SPATA31D1: variants seen among roughly 807,000 people sequenced by gnomAD.
SPATA31D1 encodes SPATA31 subfamily D member 1.
SPATA31D1 carries 6 observed loss-of-function variants against 13.2 expected under a neutral mutation model. The ratio of observed to expected loss-of-function variants is 0.46; its 90% confidence interval spans 0.25 to 0.90. The LOEUF (loss-of-function observed/expected upper bound fraction) is 0.90, where lower values mean the gene tolerates loss of function less well. SPATA31D1 is among the 40% of genes least tolerant of loss of function. SPATA31D1 has a pLI of 0.18. For missense variants in SPATA31D1, 2,445 were observed against 1,884.7 expected (o/e 1.30, Z -5.50); for synonymous variants, 903 against 718.8 (o/e 1.26, Z -4.10).
In SPATA31D1 at chr9:81,990,900, C is replaced by A; in HGVS notation, c.430C>A (p.Leu144Met). 1 of 1,613,960 alleles carries A rather than the reference C, an allele frequency of 6.2e-7. No homozygotes were observed. Among genetic ancestry groups the A allele is most frequent in the East Asian group, 2.2e-5 (1 of 44,852 alleles). The change falls in exon 4 of 4, where the codon CTG becomes ATG. Residue 144 changes from leucine to methionine, a missense_variant. Transcript: ENST00000344803. ...KRATADIQQL[L>M]SWESLKDAAP... ...AGCAACTGCTGATATCCAGCAACTG[C>A]TGTCTTGGGAGTCCCTGAAAGATGC... is the stretch of plus-strand genomic sequence containing the variant.
chr9:81,988,343 A>G (rs970375669), upstream of SPATA31D1, among the ~76,000 whole-genome samples: 12 of 152,312 alleles, frequency 7.9e-5, no homozygotes, highest in Admixed American at 5.9e-4. Context: ...TAAGTTTTAT[A>G]TCTGCATTTA....
chr9:81,994,168 GT>G lies in SPATA31D1; in HGVS notation c.3700del (p.Ser1234ProfsTer5). ...ATGTCTTTTGCCTTAGATAACTTGA[GT>G]TCCAAGGACTTACTGACTAATTCCC... Reference protein sequence around the residue: ...TDMSFALDNLSSKDLLTNSQG... With the variant: ...TDMSFALDNLXSKDLLTNSQG... On this transcript the variant is annotated frameshift_variant, in exon 4 of 4. Coordinates refer to ENST00000344803, the MANE Select transcript of SPATA31D1 (RefSeq NM_001001670.3). LOFTEE classifies it low-confidence loss of function (END_TRUNC). 1 of 1,614,022 alleles carries G rather than the reference GT, an allele frequency of 6.2e-7. No homozygotes were observed. The highest frequency in any genetic ancestry group is 8.5e-7 in the Non-Finnish European group (1 of 1,179,896).
At chr9:81,988,367 C>T (rs1432004792), upstream of SPATA31D1, among the ~76,000 whole-genome samples, 2 of 152,210 alleles carry the variant, frequency 1.3e-5, no homozygotes, top group Non-Finnish European at 2.9e-5. Context: ...AAGGCAGAAA[C>T]GTTCTGTAGG....
chr9:81,991,312 A>G lies in SPATA31D1; in HGVS notation c.842A>G (p.Asp281Gly), dbSNP rs1316997126. The G allele has an allele frequency of 6.2e-7, 1 of 1,613,894 alleles. No individual in the cohort carries two copies. The highest frequency in any genetic ancestry group is 1.1e-5 in the South Asian group (1 of 91,086). The change falls in exon 4 of 4, where the codon GAT (aspartate) becomes GGT (glycine). Residue 281 changes from aspartate to glycine, a missense_variant. By Grantham distance (94) the Asp-to-Gly change is moderately conservative (BLOSUM62 -1). Coordinates refer to ENST00000344803, the MANE Select transcript of SPATA31D1 (RefSeq NM_001001670.3). Reference protein sequence around the residue: ...IFSFGSTLCQDISQAMNPIDS... With the variant: ...IFSFGSTLCQGISQAMNPIDS... ...TCATTTGGCTCCACCCTATGCCAAG[A>G]TATTTCGCAGGCCATGAATCCCATT... is the stretch of plus-strand genomic sequence containing the variant.
rs1420191198 is a variant in SPATA31D1, at chr9:81,993,259, AATCGAAAGCGGACCT to A, written c.2790_2804del (p.Lys930_Leu935delinsAsn). On this transcript the variant is annotated inframe_deletion, in exon 4 of 4. Coordinates refer to ENST00000344803, the MANE Select transcript of SPATA31D1 (RefSeq NM_001001670.3). ...GTCCTTGAATCCATAGAAATCTTCA[AATCGAAAGCGGACCT>A]TTCCACTTCCTTTTCCCATTTCGAC... 2 of 1,613,886 alleles carry A rather than the reference AATCGAAAGCGGACCT, an allele frequency of 1.2e-6. No individual in the cohort carries two copies.
At chr9:81,990,367 C>T (rs1338894389) in intron 2 of SPATA31D1, 50 bp from the exon 3 acceptor site, 1 of 1,412,388 alleles carries the variant, frequency 7.1e-7, no homozygotes, top group African/African-American at 1.4e-5. Context: ...AGATTGACTT[C>T]TGTATGAGCC....
chr9:81,990,806 C>T lies in SPATA31D1; in HGVS notation c.336C>T (p.Gly112=). Reference sequence around the variant, plus strand: ...CTCCTGTTTCCTGCAGTCCTCGGGGCCAGCATCATGATACCAACCACTTTC... The same window carrying T: ...CTCCTGTTTCCTGCAGTCCTCGGGGTCAGCATCATGATACCAACCACTTTC... The part of the protein sequence containing the change: ...FGPPVSCSPR[G]QHHDTNHFRR... The change falls in exon 4 of 4, where the codon GGC becomes GGT. Residue 112 remains glycine (G), a synonymous_variant. Transcript: ENST00000344803. 3.1e-6 allele frequency: 5 copies of T among 1,613,210 alleles called. No homozygotes were observed. Among genetic ancestry groups the T allele is most frequent in the Non-Finnish European group, 4.2e-6 (5 of 1,179,550 alleles).
chr9:81,995,194 C>G lies in SPATA31D1; in HGVS notation c.4724C>G (p.Thr1575Arg), dbSNP rs1244970946. 1.3e-6 allele frequency: 2 copies of G among 1,516,896 alleles called. No homozygotes were observed. The allele number at this position is 1,516,896 out of a possible 1,614,324, so 94.0% of individuals were successfully genotyped here. ...KHLQGGKFPP[T>R]K ...TTACAGGGAGGAAAATTTCCCCCCACAAAATAATTCACTCCTTGTTGAGAA... is the reference window on the plus strand; with the variant it reads ...TTACAGGGAGGAAAATTTCCCCCCAGAAAATAATTCACTCCTTGTTGAGAA... Residue 1575 changes from threonine to arginine, a missense_variant, in exon 4 of 4, where the codon ACA (threonine) becomes AGA (arginine). Coordinates refer to ENST00000344803, the MANE Select transcript of SPATA31D1 (RefSeq NM_001001670.3).
Position 81,991,417 on chromosome 9 carries a change from C to T in SPATA31D1, c.947C>T (p.Ser316Leu), listed in dbSNP as rs1824957976. 1 of 1,614,052 alleles carries T rather than the reference C, an allele frequency of 6.2e-7. No individual in the cohort carries two copies. ...GATTGCACTGTGACTCAGTCTAAATCAAGTCTCACCATCTTGAAGACTTTT... is the reference window on the plus strand; with the variant it reads ...GATTGCACTGTGACTCAGTCTAAATTAAGTCTCACCATCTTGAAGACTTTT... ...PEDCTVTQSK[S>L]SLTILKTFPE... The change falls in exon 4 of 4, where the codon TCA (serine) becomes TTA (leucine). Residue 316 changes from serine (S) to leucine (L), a missense_variant. Coordinates refer to ENST00000344803, the MANE Select transcript of SPATA31D1 (RefSeq NM_001001670.3).
rs376227501 is a variant in SPATA31D1, at chr9:81,992,476, C to A, written c.2006C>A (p.Pro669Gln). The A allele has an allele frequency of 6.2e-7, 1 of 1,612,126 alleles. No individual in the cohort carries two copies. Among genetic ancestry groups the A allele is most frequent in the Non-Finnish European group, 8.5e-7 (1 of 1,179,734 alleles). The change falls in exon 4 of 4, where the codon CCG becomes CAG. Residue 669 changes from proline (P) to glutamine (Q), a missense_variant. Coordinates refer to ENST00000344803, the MANE Select transcript of SPATA31D1 (RefSeq NM_001001670.3). ...AGAAAGTCCTTCAAGGTCCATGTTC[C>A]GATCTCCATCATTCCTGGAGATTTT... ...LVRKSFKVHV[P>Q]ISIIPGDFPL...
upstream of SPATA31D1, among the ~76,000 whole-genome samples, chr9:81,988,473 G>A (rs1824891401): frequency 6.6e-6 from 1 of 152,192 alleles, no homozygotes; most frequent in South Asian, 2.1e-4. Context: ...AGGCAGTGTG[G>A]TTGGTGGGGT....
rs1825067137 is a variant in SPATA31D1 at position 81,994,926 on chromosome 9, C to G, written c.4456C>G (p.Pro1486Ala). Reference protein sequence around the residue: ...QQAIFVGQNYPTRIRQIIDKD... With the variant: ...QQAIFVGQNYATRIRQIIDKD... ...AGCTATCTTTGTTGGCCAGAATTAT[C>G]CTACAAGGATTAGACAGATCATAGA... The change falls in exon 4 of 4, where the codon CCT (proline) becomes GCT (alanine). Residue 1486 changes from proline to alanine, a missense_variant. Pro to Ala is a conservative substitution (Grantham distance 27). Coordinates refer to ENST00000344803, the MANE Select transcript of SPATA31D1 (RefSeq NM_001001670.3). The G allele has an allele frequency of 6.2e-7, 1 of 1,613,874 alleles. No homozygotes were observed. The highest frequency in any genetic ancestry group is 1.3e-5 in the African/African-American group (1 of 74,920).
Position 81,993,392 on chromosome 9 carries a change from G to T in SPATA31D1, c.2922G>T (p.Leu974Phe). ...GAAGCACTTTTCAAGGAGAAAAGTT[G>T]GGAACAACAAGCTCAGTCCCCATCC... is the stretch of plus-strand genomic sequence containing the variant. ...RSRSTFQGEK[L>F]GTTSSVPILD... The change falls in exon 4 of 4, where the codon TTG becomes TTT. Residue 974 changes from leucine (L) to phenylalanine (F), a missense_variant. Coordinates refer to ENST00000344803, the MANE Select transcript of SPATA31D1 (RefSeq NM_001001670.3). 1 of 1,613,936 alleles carries T rather than the reference G, an allele frequency of 6.2e-7. No individual in the cohort carries two copies. Among genetic ancestry groups the T allele is most frequent in the Non-Finnish European group, 8.5e-7 (1 of 1,179,898 alleles).
At position 81,991,214 on chromosome 9, in the gene SPATA31D1, C is replaced by G. The variant is rs1397648091; in HGVS notation, c.744C>G (p.Leu248=). The G allele has an allele frequency of 1.2e-6, 2 of 1,614,024 alleles. No individual in the cohort carries two copies. The highest frequency in any genetic ancestry group is 1.7e-6 in the Non-Finnish European group (2 of 1,179,894). ...SPPQQLPFPL[L]PPHHIERVES... ...CCCAACAGCTTCCCTTTCCCCTTCT[C>G]CCACCACATCACATTGAGAGAGTGG... The change falls in exon 4 of 4, where the codon CTC becomes CTG. Residue 248 remains leucine, a synonymous_variant. Coordinates refer to ENST00000344803, the MANE Select transcript of SPATA31D1 (RefSeq NM_001001670.3).
At chr9:81,987,800 C>T (rs371742004), upstream of SPATA31D1, among the ~76,000 whole-genome samples, 2 of 152,012 alleles carry the variant, frequency 1.3e-5, no homozygotes, top group South Asian at 2.1e-4. Context: ...AAAACAACAA[C>T]AACAATAACT....
At position 81,992,152 on chromosome 9, in the gene SPATA31D1, T is replaced by C. The variant is rs780224178; in HGVS notation, c.1682T>C (p.Leu561Pro). 1 of 1,613,716 alleles carries C rather than the reference T, an allele frequency of 6.2e-7. No individual in the cohort carries two copies. The highest frequency in any genetic ancestry group is 2.2e-5 in the East Asian group (1 of 44,858). Residue 561 changes from leucine to proline, a missense_variant, in exon 4 of 4, where the codon CTA (leucine) becomes CCA (proline). Leu to Pro is a moderately conservative substitution (Grantham distance 98). Coordinates refer to ENST00000344803, the MANE Select transcript of SPATA31D1 (RefSeq NM_001001670.3). Reference protein sequence around the residue: ...QPLSLPSTQPLPLPQTLPQGQ... With the variant: ...QPLSLPSTQPPPLPQTLPQGQ... Reference sequence around the variant, plus strand: ...CTGTCCTTGCCTAGTACCCAACCACTACCCTTGCCTCAAACCCTGCCCCAA... The same window carrying C: ...CTGTCCTTGCCTAGTACCCAACCACCACCCTTGCCTCAAACCCTGCCCCAA...
Position 81,992,569 on chromosome 9 carries a change from G to T in SPATA31D1, c.2099G>T (p.Trp700Leu). The change falls in exon 4 of 4, where the codon TGG (tryptophan) becomes TTG (leucine). Residue 700 changes from tryptophan (W) to leucine (L), a missense_variant. Trp to Leu is a moderately conservative substitution (Grantham distance 61, BLOSUM62 -2). Transcript: ENST00000344803. ...HIRRRLIQRR[W>L]GLPRRIHESL... Reference sequence around the variant, plus strand: ...CGAAGGAGGCTCATCCAGCGCAGATGGGGCCTGCCCCGCAGAATCCATGAG... The same window carrying T: ...CGAAGGAGGCTCATCCAGCGCAGATTGGGCCTGCCCCGCAGAATCCATGAG... The T allele has an allele frequency of 6.2e-7, 1 of 1,612,072 alleles. No individual in the cohort carries two copies.
At chr9:81,988,462 A>G (rs1371537901), upstream of SPATA31D1, among the ~76,000 whole-genome samples, 1 of 152,196 alleles carries the variant, frequency 6.6e-6, no homozygotes, top group Non-Finnish European at 1.5e-5. Flanking sequence ...TCAGGCTTTC[A>G]AGGCAGTGTG....
At position 81,993,732 on chromosome 9, in the gene SPATA31D1, A is replaced by G; in HGVS notation, c.3262A>G (p.Thr1088Ala). The G allele has an allele frequency of 6.2e-7, 1 of 1,613,968 alleles. No homozygotes were observed. Among genetic ancestry groups the G allele is most frequent in the African/African-American group, 1.3e-5 (1 of 75,044 alleles). Residue 1088 changes from threonine to alanine, a missense_variant, in exon 4 of 4, where the codon ACT becomes GCT. Coordinates refer to ENST00000344803, the MANE Select transcript of SPATA31D1 (RefSeq NM_001001670.3). The stretch of plus-strand genomic sequence containing the variant: ...CCGGACAACAGAGGATGGCAGACAG[A>G]CTTTTCTGCCCCCGCCACACAGCAT... ...SVRTTEDGRQ[T>A]FLPPPHSIVD...
Sources: allele counts gnomAD v4.1 joint callset (sites outside exome capture counted in the v4.1 genomes callset), GRCh38; gene constraint gnomAD v4.1.1; transcripts MANE v1.5; gene names NCBI Gene and HGNC (gene_info 2026-07-23, HGNC 2026-07-21).